Variants in DOCK1 observed in about 807,000 individuals in gnomAD.
DOCK1 encodes the protein dedicator of cytokinesis protein 1.
In DOCK1, 138 loss-of-function variants were observed where a neutral mutation model predicts 262.7. The ratio of observed to expected loss-of-function variants is 0.53; its 90% CI spans 0.46 to 0.61. The LOEUF is 0.61. Among genes scored for constraint, DOCK1 ranks in the 20% least tolerant of loss-of-function variants. DOCK1 has a pLI of 0.00. For synonymous variants in DOCK1, 866 were observed against 867.4 expected, an observed-to-expected ratio of 1.00 and a Z score of 0.03; for missense variants, 1,908 against 2,370.7, an observed-to-expected ratio of 0.80 and a Z score of 4.05.
At chr10:127,261,450 T>C (rs2060109348) in intron 29 of DOCK1, among the ~76,000 whole-genome samples, 1 of 145,254 alleles carries the variant, frequency 6.9e-6, no homozygotes, top group Non-Finnish European at 1.5e-5. Context: ...TACCTGCATG[T>C]GTGTGCGTGT....
intron 27 of DOCK1, among the ~76,000 whole-genome samples, chr10:127,155,578 C>T (rs1275856141): frequency 6.6e-6 from 1 of 152,246 alleles, no homozygotes; most frequent in South Asian, 2.1e-4. Flanking sequence ...TTATCCCCTC[C>T]CCTTGTTCCT....
chr10:127,303,447 A>T (rs1009435419), intron 29 of DOCK1, among the ~76,000 whole-genome samples: 13 of 152,130 alleles, frequency 8.5e-5, no homozygotes, highest in African/African-American at 3.1e-4. Context: ...AGTCAAAAAG[A>T]GTCTCTGTCA....
At chr10:127,011,587 T>C (rs1380769493) in intron 11 of DOCK1, among the ~76,000 whole-genome samples, 1 of 152,232 alleles carries the variant, frequency 6.6e-6, no homozygotes, top group Non-Finnish European at 1.5e-5. Context: ...CAGCGCAGCA[T>C]CTGTCACAGG....
chr10:127,059,341 T>C (rs986002976), intron 22 of DOCK1, among the ~76,000 whole-genome samples: 1 of 152,192 alleles, frequency 6.6e-6, no homozygotes, highest in Non-Finnish European at 1.5e-5. Context: ...ATTGATATCT[T>C]TGATCAGTTT....
chr10:127,238,693 C>G (rs2059158830), intron 27 of DOCK1, among the ~76,000 whole-genome samples: 1 of 152,196 alleles, frequency 6.6e-6, no homozygotes, highest in South Asian at 2.1e-4. Flanking sequence ...CCTCCCCACA[C>G]CACCTCCTGT....
At chr10:126,933,451 G>A (rs2034330479) in intron 1 of DOCK1, among the ~76,000 whole-genome samples, 1 of 152,194 alleles carries the variant, frequency 6.6e-6, no homozygotes, top group African/African-American at 2.4e-5. Context: ...CCTCCTGCCT[G>A]TAAAAGTTAA....
chr10:127,126,982 G>A (rs1391425521), intron 26 of DOCK1, among the ~76,000 whole-genome samples: 1 of 152,148 alleles, frequency 6.6e-6, no homozygotes, highest in African/African-American at 2.4e-5. Context: ...GAGAGGTCTT[G>A]GAGGCCTTCA....
intron 3 of DOCK1, among the ~76,000 whole-genome samples, chr10:126,978,544 T>TA (rs895231573): frequency 1.3e-5 from 2 of 152,312 alleles, no homozygotes; most frequent in East Asian, 3.9e-4. Flanking sequence ...GGCACTCCCA[T>TA]ACACAATTCT....
rs760648165 is a variant in DOCK1, at chr10:127,409,149, G to C, written c.4235G>C (p.Gly1412Ala). 5 of 1,613,130 alleles carry C rather than the reference G, an allele frequency of 3.1e-6. No homozygotes were observed. In the Admixed American group the frequency reaches 8.3e-5, roughly 27 times the overall value. Residue 1412 changes from glycine (G) to alanine (A), a missense_variant, in exon 41 of 52, where the codon GGC (glycine) becomes GCC (alanine). By Grantham distance (60) the Gly-to-Ala change is moderately conservative. Around this residue, in one of 9 missense-constraint regions of DOCK1, gnomAD observed 267 missense variants for 366.3 expected, o/e 0.73. Coordinates refer to ENST00000623213, the MANE Select transcript of DOCK1 (RefSeq NM_001290223.2). Reference protein sequence around the residue: ...AEKMKTTSPPGDDIKNSPGQY... With the variant: ...AEKMKTTSPPADDIKNSPGQY... ...AAAATGAAGACAACATCTCCACCAG[G>C]CGACGATATTAAAAACTCTCCTGGC...
chr10:127,253,390 ATCCC>A (rs1359004617), intron 28 of DOCK1, among the ~76,000 whole-genome samples: 2 of 152,044 alleles, frequency 1.3e-5, no homozygotes, highest in African/African-American at 4.8e-5. Flanking sequence ...CTCCCACCGC[ATCCC>A]ATTCCCTGAC....
intron 27 of DOCK1, among the ~76,000 whole-genome samples, chr10:127,161,205 C>T (rs948843729): frequency 6.6e-6 from 1 of 152,208 alleles, no homozygotes; most frequent in Non-Finnish European, 1.5e-5. Flanking sequence ...ACCATATACT[C>T]ATGGAAACGC....
chr10:126,922,232 AAAGG>A (rs1371955176), intron 1 of DOCK1, among the ~76,000 whole-genome samples: 1 of 150,804 alleles, frequency 6.6e-6, no homozygotes, highest in Non-Finnish European at 1.5e-5. Flanking sequence ...AAAAAAAAAA[AAAGG>A]AAAGAGTTAT....
At chr10:127,339,959 A>T (rs1477275083) in intron 30 of DOCK1, among the ~76,000 whole-genome samples, 1 of 152,170 alleles carries the variant, frequency 6.6e-6, no homozygotes, top group Non-Finnish European at 1.5e-5. Flanking sequence ...TCTCAAAAGG[A>T]ACCCGAAGGA....
intron 1 of DOCK1, among the ~76,000 whole-genome samples, chr10:126,942,747 T>A (rs993971098): frequency 2.6e-5 from 4 of 152,134 alleles, no homozygotes; most frequent in Admixed American, 2.6e-4. Context: ...ATCTGTCCTG[T>A]TGGGAAGCTT....
At chr10:127,295,964 T>G (rs1488836593) in intron 29 of DOCK1, among the ~76,000 whole-genome samples, 1 of 152,194 alleles carries the variant, frequency 6.6e-6, no homozygotes, top group East Asian at 1.9e-4. Flanking sequence ...AAAATAAATA[T>G]AGCAGGGGCC....
At chr10:127,292,781 T>C (rs1410001991) in intron 29 of DOCK1, among the ~76,000 whole-genome samples, 2 of 152,156 alleles carry the variant, frequency 1.3e-5, no homozygotes, top group African/African-American at 4.8e-5. Context: ...CCTGCAGTGA[T>C]GGGCTTTAAT....
chr10:127,044,982 A>G (rs2044246721), intron 21 of DOCK1, among the ~76,000 whole-genome samples: 1 of 152,108 alleles, frequency 6.6e-6, no homozygotes, highest in African/African-American at 2.4e-5. Flanking sequence ...GGATCCCATG[A>G]GGCCAGGAGT....
chr10:127,049,968 CTTTTTT>C (rs71941085), intron 21 of DOCK1, among the ~76,000 whole-genome samples: 2 of 100,074 alleles, frequency 2.0e-5, no homozygotes, highest in Admixed American at 2.4e-4. Context: ...AAACTGGCCT[CTTTTTT>C]TTTTTTTTTT....
At chr10:126,969,970 G>T (rs886697482) in intron 1 of DOCK1, among the ~76,000 whole-genome samples, 1 of 152,200 alleles carries the variant, frequency 6.6e-6, no homozygotes, top group Non-Finnish European at 1.5e-5. Flanking sequence ...GGTAGAGGCT[G>T]TTGGGTAGGA....
Sources: allele counts gnomAD v4.1 joint callset (sites outside exome capture counted in the v4.1 genomes callset), GRCh38; gene constraint gnomAD v4.1.1; regional missense constraint gnomAD v4.1.1; transcripts MANE v1.5; gene names NCBI Gene and HGNC (gene_info 2026-07-23, HGNC 2026-07-21).